Variants in OSBPL3 observed in about 807,000 individuals in gnomAD.
OSBPL3 encodes oxysterol binding protein like 3.
In OSBPL3, 65 loss-of-function variants were observed where a neutral mutation model predicts 120.1. The observed-to-expected ratio is 0.54, with a 90% CI of 0.44 to 0.67. OSBPL3 has a LOEUF of 0.67. OSBPL3 is among the 30% of genes least tolerant of loss of function. The pLI is 0.00. For missense variants in OSBPL3, 1,004 were observed against 1,082.1 expected (o/e 0.93, Z 1.01); for synonymous variants, 416 against 402.6 (o/e 1.03, Z -0.40).
In OSBPL3 at chr7:24,862,176, G is replaced by A. The variant is rs540185045; in HGVS notation, c.871-407C>T. ...GCTGGGATTACAGGCGTGAGCCACC[G>A]CGCCCAGCCTAGGTAGGTCTTTCTA... On this transcript the variant is annotated intron_variant, in intron 9 of 22. Coordinates refer to ENST00000313367, the MANE Select transcript of OSBPL3 (RefSeq NM_015550.4). The surrounding 1 kb of genome is among the most constrained non-coding windows in gnomAD (Gnocchi z 4.4). Among the ~76,000 whole-genome samples the A allele has an allele frequency of 4.6e-5, 7 of 152,188 alleles. No homozygotes were observed. The highest frequency in any genetic ancestry group is 3.4e-3 in the Middle Eastern group (1 of 294).
chr7:24,809,820 A>C lies in OSBPL3; in HGVS notation c.2304T>G (p.Cys768Trp), dbSNP rs372254047. 1 of 1,613,960 alleles carries C rather than the reference A, an allele frequency of 6.2e-7. No homozygotes were observed. The highest frequency in any genetic ancestry group is 1.7e-5 in the Admixed American group (1 of 59,988). The change falls in exon 20 of 23, where the codon TGT becomes TGG. Residue 768 changes from cysteine (C) to tryptophan (W), a missense_variant. Physicochemically the swap from Cys to Trp is radical, Grantham distance 215. Transcript: ENST00000313367. The stretch of plus-strand genomic sequence containing the variant: ...CCAGACACTCACTTGCTCTCCATAC[A>C]CAGGCAGAAGAGGAGCCGCCGCCAC... ...IYCGGGSSSA[C>W]VWRANPMPKG...
At chr7:24,976,370 G>C (rs571929834) in intron 1 of OSBPL3, among the ~76,000 whole-genome samples, 4 of 152,208 alleles carry the variant, frequency 2.6e-5, no homozygotes, top group African/African-American at 9.6e-5. Flanking sequence ...GGAAAAAACA[G>C]AGACAGAGGT....
At chr7:24,976,542 CAAAA>C (rs11286274) in intron 1 of OSBPL3, among the ~76,000 whole-genome samples, 1 of 149,092 alleles carries the variant, frequency 6.7e-6, no homozygotes, top group Non-Finnish European at 1.5e-5. Flanking sequence ...ATTGGAAAGT[CAAAA>C]AAAAAAAATT....
At chr7:24,887,368 T>C (rs943704150) in intron 2 of OSBPL3, among the ~76,000 whole-genome samples, 2 of 152,208 alleles carry the variant, frequency 1.3e-5, no homozygotes, top group African/African-American at 4.8e-5. Flanking sequence ...AAAGAACCAA[T>C]TCTGTAGAGT....
chr7:24,847,338 G>T (rs1379059475), intron 12 of OSBPL3, among the ~76,000 whole-genome samples: 1 of 152,086 alleles, frequency 6.6e-6, no homozygotes, highest in South Asian at 2.1e-4. Context: ...ATGATAAAAG[G>T]GATAAAATAA....
At chr7:24,950,816 T>C (rs1814335839) in intron 1 of OSBPL3, among the ~76,000 whole-genome samples, 1 of 152,116 alleles carries the variant, frequency 6.6e-6, no homozygotes, top group Non-Finnish European at 1.5e-5. Flanking sequence ...CAGAACAAAT[T>C]AGTGCAGAAT....
At chr7:24,925,524 C>T (rs1461140066) in intron 1 of OSBPL3, among the ~76,000 whole-genome samples, 1 of 152,194 alleles carries the variant, frequency 6.6e-6, no homozygotes. Context: ...CTGTTTGAGG[C>T]AAGACGCACT....
chr7:24,917,416 AT>A (rs1809780481), intron 1 of OSBPL3, among the ~76,000 whole-genome samples: 1 of 141,058 alleles, frequency 7.1e-6, no homozygotes. Context: ...ATATATATAT[AT>A]ATATATATAT....
rs931596237 is a variant in OSBPL3, at chr7:24,809,887, G to T, written c.2237C>A (p.Ala746Glu). 6.2e-7 allele frequency: 1 copy of T among 1,614,092 alleles called. No homozygotes were observed. The highest frequency in any genetic ancestry group is 8.5e-7 in the Non-Finnish European group (1 of 1,179,956). The change falls in exon 20 of 23, where the codon GCG (alanine) becomes GAG (glutamate). Residue 746 changes from alanine (A) to glutamate (E), a missense_variant. By Grantham distance (107) the Ala-to-Glu change is moderately radical. Coordinates refer to ENST00000313367, the MANE Select transcript of OSBPL3 (RefSeq NM_015550.4). ...CCATTTCCCAAACAGCCGATGAACC[G>T]CTTTTCCACTCCTGTCAAACACTGT... ...EGTVFDRSGKAVHRLFGKWHE... is the reference protein window; with the variant it reads ...EGTVFDRSGKEVHRLFGKWHE...
At chr7:24,878,891 A>C (rs979176303) in intron 2 of OSBPL3, among the ~76,000 whole-genome samples, 3 of 152,224 alleles carry the variant, frequency 2.0e-5, no homozygotes, top group African/African-American at 7.2e-5. Context: ...TGAGGCTATC[A>C]CTGCTGCTGG....
In OSBPL3 at chr7:24,871,224, G is replaced by T. The variant is rs889140401; in HGVS notation, c.268-379C>A. 1.3e-5 allele frequency among the ~76,000 whole-genome samples: 2 copies of T among 152,172 alleles called. No individual in the cohort carries two copies. The highest frequency in any genetic ancestry group is 2.4e-5 in the African/African-American group (1 of 41,448). ...CTGGTGTCTAAATTCATTTAGAAGT[G>T]ATGTATTAATAAAAGAAGTGAGAGC... On this transcript the variant is annotated intron_variant, in intron 4 of 22. Transcript: ENST00000313367. The surrounding 1 kb of genome is among the most constrained non-coding windows in gnomAD (Gnocchi z 4.8).
At chr7:24,861,572 A>C (rs1800540507) in intron 10 of OSBPL3, 41 bp downstream of exon 10, 1 of 1,423,310 alleles carries the variant, frequency 7.0e-7, no homozygotes, top group Non-Finnish European at 9.6e-7. Context: ...TGCACTTAAC[A>C]TTTTCATCAA....
rs529852404 is a variant in OSBPL3, at chr7:24,817,987, G to A, written c.1949-1299C>T. Among the ~76,000 whole-genome samples, 9 of 152,222 alleles carry A rather than the reference G, an allele frequency of 5.9e-5. No individual in the cohort carries two copies. Among genetic ancestry groups the A allele is most frequent in the Non-Finnish European group, 1.3e-4 (9 of 68,040 alleles). On this transcript the variant is annotated intron_variant, in intron 17 of 22. Coordinates refer to ENST00000313367, the MANE Select transcript of OSBPL3 (RefSeq NM_015550.4). The surrounding 1 kb of genome is among the most constrained non-coding windows in gnomAD (Gnocchi z 4.0). ...GGATCTACAGATCACAGGGAAATCA[G>A]GGTTGAAGCAGGGGGGACAGTGGGG...
rs779727861 is a variant in OSBPL3, at chr7:24,815,377, C to G, written c.2028-174G>C. On this transcript the variant is annotated intron_variant, in intron 18 of 22. Transcript: ENST00000313367. This position sits in a 1 kb window ranked among gnomAD's most constrained non-coding sequence, Gnocchi z 5.1. ...ACTGGATGTTCTAGGAGCTTCCACT[C>G]TCCAAGGAGGCATGCATGCCACAGA... Among the ~76,000 whole-genome samples the G allele has an allele frequency of 1.6e-4, 24 of 152,216 alleles. No individual in the cohort carries two copies. Among genetic ancestry groups the G allele is most frequent in the Non-Finnish European group, 1.2e-4 (8 of 68,036 alleles).
chr7:24,928,107 C>T (rs1186449646), intron 1 of OSBPL3, among the ~76,000 whole-genome samples: 3 of 152,056 alleles, frequency 2.0e-5, no homozygotes, highest in African/African-American at 2.4e-5. Flanking sequence ...CCTTCGCCTT[C>T]TGCCATGATT....
In OSBPL3 at chr7:24,979,970, C is replaced by G; in HGVS notation, c.-234G>C. 1 of 985,258 alleles carries G rather than the reference C, an allele frequency of 1.0e-6. No homozygotes were observed. Among genetic ancestry groups the G allele is most frequent in the Non-Finnish European group, 1.2e-6 (1 of 829,946 alleles). The allele number at this position is 985,258 out of a possible 1,614,324, so 61.0% of individuals were successfully genotyped here. On this transcript the variant is annotated 5_prime_UTR_variant, in exon 1 of 23. Transcript: ENST00000313367. The stretch of plus-strand genomic sequence containing the variant: ...CGCACAGAACCGGGAGAAGGCAACC[C>G]CGGCTTCTCCGGTACCCCCGCAACG...
intron 1 of OSBPL3, among the ~76,000 whole-genome samples, chr7:24,924,445 G>A (rs1014652405): frequency 3.9e-5 from 6 of 152,252 alleles, no homozygotes; most frequent in Admixed American, 2.6e-4. Flanking sequence ...GTCTAACTCC[G>A]ATACACTTTT....
At chr7:24,928,196 T>TTG (rs564326487) in intron 1 of OSBPL3, among the ~76,000 whole-genome samples, 1 of 148,610 alleles carries the variant, frequency 6.7e-6, no homozygotes, top group South Asian at 2.2e-4. Context: ...TCCTTTTTGT[T>TTG]TTTTTTTTTT....
rs920238346 is a variant in OSBPL3 at position 24,940,134 on chromosome 7, A to C, written c.-150+39752T>G. On this transcript the variant is annotated intron_variant, in intron 1 of 22. Transcript: ENST00000313367. This position sits in a 1 kb window ranked among gnomAD's most constrained non-coding sequence, Gnocchi z 4.4. ...AAAGAAAGTTATATTCTTGAAGAGC[A>C]TAATAAAGGTTTGAAATAGCTGCTA... is the stretch of plus-strand genomic sequence containing the variant. 6.6e-6 allele frequency among the ~76,000 whole-genome samples: 1 copy of C among 152,236 alleles called. No individual in the cohort carries two copies. The highest frequency in any genetic ancestry group is 2.4e-5 in the African/African-American group (1 of 41,458).
Sources: allele counts gnomAD v4.1 joint callset (sites outside exome capture counted in the v4.1 genomes callset), GRCh38; gene constraint gnomAD v4.1.1; non-coding constraint Gnocchi (gnomAD v3.1); transcripts MANE v1.5; gene names NCBI Gene and HGNC (gene_info 2026-07-23, HGNC 2026-07-21).